PRLR: variants seen among roughly 807,000 people sequenced by gnomAD.
PRLR encodes the protein hPRL receptor.
A neutral mutation model predicts 40.2 loss-of-function variants in PRLR; 13 were observed. The observed-to-expected ratio is 0.32, with a 90% CI of 0.21 to 0.51. The LOEUF is 0.51. Among genes scored for constraint, PRLR ranks in the 20% least tolerant of loss-of-function variants. PRLR has a pLI of 0.97. For synonymous variants in PRLR, 269 were observed against 278.7 expected (o/e 0.97, Z 0.35); for missense variants, 656 against 747.3 (o/e 0.88, Z 1.42).
intron 1 of PRLR, among the ~76,000 whole-genome samples, chr5:35,148,960 C>T (rs1774263982): frequency 6.6e-6 from 1 of 151,954 alleles, no homozygotes; most frequent in South Asian, 2.1e-4. Context: ...CACAAAAATA[C>T]ACATTTACAG....
chr5:35,096,899 C>T (rs554630032), intron 2 of PRLR, among the ~76,000 whole-genome samples: 9 of 152,268 alleles, frequency 5.9e-5, no homozygotes, highest in Admixed American at 2.0e-4. Flanking sequence ...GGATTACAGG[C>T]GTGAGCCACT....
intron 2 of PRLR, among the ~76,000 whole-genome samples, chr5:35,105,717 G>A (rs969995493): frequency 1.8e-4 from 28 of 152,184 alleles, no homozygotes; most frequent in South Asian, 1.0e-3. Flanking sequence ...CAAGAAATAC[G>A]GGACTATGTG....
intron 2 of PRLR, among the ~76,000 whole-genome samples, chr5:35,109,574 C>G (rs1319454405): frequency 6.6e-6 from 1 of 152,152 alleles, no homozygotes; most frequent in Non-Finnish European, 1.5e-5. Flanking sequence ...ACAGACACTT[C>G]TCAAAAGAAG....
At position 35,066,014 on chromosome 5, in the gene PRLR, A is replaced by G; in HGVS notation, c.944T>C (p.Leu315Ser). The change falls in exon 10 of 10, where the codon TTA becomes TCA. Residue 315 changes from leucine (L) to serine (S), a missense_variant. Coordinates refer to ENST00000618457, the MANE Select transcript of PRLR (RefSeq NM_000949.7). ...CTGGTCCTCACTATCATCTACTTCT[A>G]AATACTCCACCAGCAAGTCCTCATA... Reference protein sequence around the residue: ...SDYEDLLVEYLEVDDSEDQHL... With the variant: ...SDYEDLLVEYSEVDDSEDQHL... The G allele has an allele frequency of 6.2e-7, 1 of 1,614,156 alleles. No homozygotes were observed. The highest frequency in any genetic ancestry group is 8.5e-7 in the Non-Finnish European group (1 of 1,180,018).
chr5:35,127,903 C>T (rs1042196352), intron 1 of PRLR, among the ~76,000 whole-genome samples: 13 of 151,878 alleles, frequency 8.6e-5, no homozygotes, highest in East Asian at 3.9e-4. Flanking sequence ...CTTGGGGTGA[C>T]GAAATGTTCT....
chr5:35,104,140 A>T (rs1226364437), intron 2 of PRLR, among the ~76,000 whole-genome samples: 1 of 152,122 alleles, frequency 6.6e-6, no homozygotes, highest in Non-Finnish European at 1.5e-5. Flanking sequence ...AGAATGAAGG[A>T]TGAGTAACCA....
intron 8 of PRLR, 113 bp downstream of exon 8, chr5:35,068,666 C>T (rs1579568513): frequency 1.2e-6 from 1 of 863,704 alleles, no homozygotes. Flanking sequence ...CACACTACAT[C>T]TAATGGCTAA....
intron 1 of PRLR, among the ~76,000 whole-genome samples, chr5:35,178,482 C>T (rs991998801): frequency 5.3e-5 from 8 of 152,138 alleles, no homozygotes; most frequent in African/African-American, 1.9e-4. Flanking sequence ...AAAATGTACA[C>T]TGTATGTTCC....
chr5:35,171,810 C>A (rs908649626), intron 1 of PRLR, among the ~76,000 whole-genome samples: 1 of 152,086 alleles, frequency 6.6e-6, no homozygotes, highest in African/African-American at 2.4e-5. Flanking sequence ...TGCCTAGGGA[C>A]CACTGTGATT....
chr5:35,068,027 A>G (rs1006746493), intron 9 of PRLR, among the ~76,000 whole-genome samples, 189 bp downstream of exon 9: 5 of 152,210 alleles, frequency 3.3e-5, no homozygotes, highest in Non-Finnish European at 5.9e-5. Context: ...TCTGACATTT[A>G]GTGTGTGAAA....
At chr5:35,194,698 T>G (rs779803083) in intron 1 of PRLR, among the ~76,000 whole-genome samples, 2 of 152,188 alleles carry the variant, frequency 1.3e-5, no homozygotes, top group Non-Finnish European at 1.5e-5. Context: ...TGATTCTGAC[T>G]ACATGACATT....
In PRLR at chr5:35,131,867, G is replaced by A. The variant is rs2111779467; in HGVS notation, c.-105-13745C>T. Among the ~76,000 whole-genome samples the A allele has an allele frequency of 2.6e-5, 4 of 152,274 alleles. No homozygotes were observed. The South Asian group carries it at 8.3e-4, about 32-fold the overall frequency. Reference sequence around the variant, plus strand: ...AGTGCTCTGAGTTCACTGCTATGATGTCTTGTTATTCTTTCTTTAAAGGAG... The same window carrying A: ...AGTGCTCTGAGTTCACTGCTATGATATCTTGTTATTCTTTCTTTAAAGGAG... On this transcript the variant is annotated intron_variant, in intron 1 of 9. Coordinates refer to ENST00000618457, the MANE Select transcript of PRLR (RefSeq NM_000949.7).
At chr5:35,071,793 T>G (rs1579576060) in intron 6 of PRLR, among the ~76,000 whole-genome samples, 1 of 152,030 alleles carries the variant, frequency 6.6e-6, no homozygotes, top group Admixed American at 6.6e-5. Flanking sequence ...AGAGACTGGG[T>G]TTTGCCATGT....
chr5:35,204,409 G>C (rs772922355), intron 1 of PRLR, among the ~76,000 whole-genome samples: 30 of 152,022 alleles, frequency 2.0e-4, no homozygotes, highest in Non-Finnish European at 4.3e-4. Context: ...CTTTCCTAAG[G>C]GAGCAGGGCT....
intron 1 of PRLR, among the ~76,000 whole-genome samples, chr5:35,221,022 TTA>T (rs1256477813): frequency 2.0e-5 from 3 of 152,178 alleles, no homozygotes; most frequent in Non-Finnish European, 4.4e-5. Context: ...AAATCCAAAT[TTA>T]TGAGTACCCC....
rs1004527704 is a variant in PRLR, at chr5:35,057,013, A to G, written c.*8076T>C. 6.6e-6 allele frequency: 1 copy of G among 152,206 alleles called. No homozygotes were observed. Among genetic ancestry groups the G allele is most frequent in the African/African-American group, 2.4e-5 (1 of 41,452 alleles). The allele number at this position is 152,206 out of a possible 1,614,324, so 9.4% of individuals were successfully genotyped here. On this transcript the variant is annotated 3_prime_UTR_variant, in exon 10 of 10. Coordinates refer to ENST00000618457, the MANE Select transcript of PRLR (RefSeq NM_000949.7). ...TTAAAAGATTATCCATTTACACTTC[A>G]TCTGATGGATTTTGTCAGAAAAGAT...
At chr5:35,134,743 C>T (rs1325346129) in intron 1 of PRLR, among the ~76,000 whole-genome samples, 1 of 152,170 alleles carries the variant, frequency 6.6e-6, no homozygotes, top group Non-Finnish European at 1.5e-5. Context: ...AGGATCAGGG[C>T]TTTATTAAAA....
intron 1 of PRLR, among the ~76,000 whole-genome samples, chr5:35,153,269 G>A (rs1464026281): frequency 6.6e-6 from 1 of 152,176 alleles, no homozygotes; most frequent in African/African-American, 2.4e-5. Context: ...TTTGCTTCTT[G>A]ATAACTTGCT....
At chr5:35,173,989 C>A (rs1050428498) in intron 1 of PRLR, among the ~76,000 whole-genome samples, 2 of 152,140 alleles carry the variant, frequency 1.3e-5, no homozygotes, top group Admixed American at 6.5e-5. Context: ...TCCTTCCCCC[C>A]ACCCCACAAC....
Sources: gnomAD v4.1 joint callset for allele counts (sites outside exome capture counted in the v4.1 genomes callset) on GRCh38, gnomAD v4.1.1 for gene constraint, MANE v1.5 for transcripts, NCBI Gene and HGNC (gene_info 2026-07-23, HGNC 2026-07-21) for gene names.